NUFIP2: variants seen among roughly 807,000 people sequenced by gnomAD.
The protein encoded by NUFIP2 is nuclear FMR1 interacting protein 2.
In NUFIP2, 6 loss-of-function variants were observed where a neutral mutation model predicts 56.9. That is an observed-to-expected ratio of 0.11 (90% CI 0.06 to 0.21). The LOEUF (loss-of-function observed/expected upper bound fraction) is 0.21. Among genes scored for constraint, NUFIP2 ranks in the 10% least tolerant of loss-of-function variants. The pLI is 1.00. For missense variants in NUFIP2, 828 were observed against 826.8 expected (o/e 1.00, Z -0.02); for synonymous variants, 321 against 298.2 (o/e 1.08, Z -0.79).
chr17:29,264,685 A>C (rs2069024089), intron 3 of NUFIP2, 94 bp from the exon 4 acceptor site: 2 of 756,454 alleles, frequency 2.6e-6, no homozygotes, highest in African/African-American at 3.6e-5. Flanking sequence ...ATTTAAACTG[A>C]CCAATTTTTT....
rs1380624336 is a variant in NUFIP2, at chr17:29,261,398, A to T, written c.*3141T>A. ...ATCTCCATCTTTTCCTCACACACAC[A>T]TACATACATACATAAACACACACAC... On this transcript the variant is annotated 3_prime_UTR_variant, in exon 4 of 4. Transcript: ENST00000225388. 1 of 149,224 alleles carries T rather than the reference A, an allele frequency of 6.7e-6. No individual in the cohort carries two copies. The highest frequency in any genetic ancestry group is 6.7e-5 in the Admixed American group (1 of 14,992). 9.2% of individuals were successfully genotyped at this position (149,224 alleles called of 1,614,324 possible). A position where few individuals can be genotyped will look rare whatever the true frequency, so the allele number is the denominator to read the frequency against.
chr17:29,268,770 C>T (rs1723527658), intron 2 of NUFIP2, among the ~76,000 whole-genome samples: 1 of 151,940 alleles, frequency 6.6e-6, no homozygotes, highest in Non-Finnish European at 1.5e-5. Context: ...CTCAAGTGAT[C>T]CGCCCACCTC....
intron 2 of NUFIP2, among the ~76,000 whole-genome samples, chr17:29,277,197 G>C (rs1240194366): frequency 6.6e-6 from 1 of 151,968 alleles, no homozygotes; most frequent in Non-Finnish European, 1.5e-5. Context: ...GCTCATTTTT[G>C]TATTTTTAGT....
chr17:29,274,523 A>G (rs538336872), intron 2 of NUFIP2, among the ~76,000 whole-genome samples: 30 of 152,366 alleles, frequency 2.0e-4, no homozygotes, highest in African/African-American at 6.7e-4. Flanking sequence ...CATCCACTGT[A>G]TATGTACCAT....
chr17:29,292,597 C>T (rs1037647228), intron 1 of NUFIP2, among the ~76,000 whole-genome samples: 1 of 150,396 alleles, frequency 6.6e-6, no homozygotes, highest in Non-Finnish European at 1.5e-5. Flanking sequence ...CGAAATGAAT[C>T]CCCCCGCCGC....
chr17:29,260,920 C>T lies in NUFIP2; in HGVS notation c.*3619G>A, dbSNP rs1567673819. ...TTAAATTCCTAGTTATTGGCTATCC[C>T]CTCCTAGAAAGTAGAGGAGGAAGGG... On this transcript the variant is annotated 3_prime_UTR_variant, in exon 4 of 4. Transcript: ENST00000225388. The T allele has an allele frequency of 6.6e-6, 1 of 152,048 alleles. No homozygotes were observed. 9.4% of individuals were successfully genotyped at this position (152,048 alleles called of 1,614,324 possible).
chr17:29,284,719 A>AG lies in NUFIP2; in HGVS notation c.2002+1272_2002+1273insC, dbSNP rs971239202. Among the ~76,000 whole-genome samples the AG allele has an allele frequency of 1.6e-4, 24 of 150,748 alleles. No homozygotes were observed. In the South Asian group the frequency reaches 2.1e-3, roughly 13 times the overall value. The stretch of plus-strand genomic sequence containing the variant: ...AAGACTCCATCTCAAAAAAAAAAAA[A>AG]AAAAAAAAGAAAAAAAAGAAAAGAA... On this transcript the variant is annotated intron_variant, in intron 2 of 3. Coordinates refer to ENST00000225388, the MANE Select transcript of NUFIP2 (RefSeq NM_020772.3).
chr17:29,276,753 G>GT (rs1454733165), intron 2 of NUFIP2, among the ~76,000 whole-genome samples: 3 of 152,166 alleles, frequency 2.0e-5, no homozygotes, highest in Admixed American at 1.3e-4. Flanking sequence ...GCTTGGTGCA[G>GT]TAAGTAGATA....
Position 29,257,849 on chromosome 17 carries a change from C to T in NUFIP2, c.*6690G>A, listed in dbSNP as rs1446410668. On this transcript the variant is annotated 3_prime_UTR_variant, in exon 4 of 4. Transcript: ENST00000225388. ...AGTGAAGAATCCTTTTACTATTTCCCACTACAGGACAGCCACTAACAGACT... is the reference window on the plus strand; with the variant it reads ...AGTGAAGAATCCTTTTACTATTTCCTACTACAGGACAGCCACTAACAGACT... The T allele has an allele frequency of 6.6e-6, 1 of 152,060 alleles. No individual in the cohort carries two copies. Among genetic ancestry groups the T allele is most frequent in the Non-Finnish European group, 1.5e-5 (1 of 67,994 alleles). The allele number at this position is 152,060 out of a possible 1,614,324, so 9.4% of individuals were successfully genotyped here. A position where few individuals can be genotyped will look rare whatever the true frequency, so the allele number is the denominator to read the frequency against.
At chr17:29,292,671 C>T (rs967375077) in intron 1 of NUFIP2, among the ~76,000 whole-genome samples, 3 of 149,532 alleles carry the variant, frequency 2.0e-5, no homozygotes, top group Admixed American at 6.6e-5. Context: ...TCCCTCTCAG[C>T]TCCGCTTCGA....
intron 1 of NUFIP2, among the ~76,000 whole-genome samples, chr17:29,288,185 A>T (rs2069189798): frequency 6.6e-6 from 1 of 152,184 alleles, no homozygotes. Context: ...CTGGGACTAC[A>T]GGCGCCCACC....
rs774863743 is a variant in NUFIP2, at chr17:29,293,932, T to C, written c.128A>G (p.His43Arg). ...HHHYYFYNHSHNHHHHHHHQQ... is the reference protein window; with the variant it reads ...HHHYYFYNHSRNHHHHHHHQQ... Reference sequence around the variant, plus strand: ...GTGATGATGGTGGTGGTGGTGGTTGTGGCTGTGGTTGTAGAAATAATAATG... The same window carrying C: ...GTGATGATGGTGGTGGTGGTGGTTGCGGCTGTGGTTGTAGAAATAATAATG... The change falls in exon 1 of 4, where the codon CAC (histidine) becomes CGC (arginine). Residue 43 changes from histidine to arginine, a missense_variant. Coordinates refer to ENST00000225388, the MANE Select transcript of NUFIP2 (RefSeq NM_020772.3). 1.5e-5 allele frequency: 24 copies of C among 1,613,772 alleles called. No individual in the cohort carries two copies. Among genetic ancestry groups the C allele is most frequent in the Non-Finnish European group, 2.0e-5 (24 of 1,179,820 alleles).
At chr17:29,293,084 G>A (rs1474217678) in intron 1 of NUFIP2, among the ~76,000 whole-genome samples, 1 of 151,644 alleles carries the variant, frequency 6.6e-6, no homozygotes, top group Non-Finnish European at 1.5e-5. Flanking sequence ...GCCCCGCGAG[G>A]AGGAGAGAAC....
At chr17:29,285,470 A>C (rs369612325) in intron 2 of NUFIP2, among the ~76,000 whole-genome samples, 1 of 151,940 alleles carries the variant, frequency 6.6e-6, no homozygotes, top group Middle Eastern at 3.2e-3. Context: ...GCGTGCCTGT[A>C]ATCTCAGCTA....
intron 1 of NUFIP2, among the ~76,000 whole-genome samples, chr17:29,288,826 T>A (rs2069193516): frequency 6.6e-6 from 1 of 152,188 alleles, no homozygotes; most frequent in African/African-American, 2.4e-5. Context: ...ATAAAAAGAA[T>A]CCAATTTTTT....
intron 2 of NUFIP2, among the ~76,000 whole-genome samples, chr17:29,285,115 A>G (rs1016158195): frequency 6.6e-6 from 1 of 152,058 alleles, no homozygotes; most frequent in African/African-American, 2.4e-5. Context: ...AGCCTGGCCA[A>G]CACGGGGAAA....
chr17:29,285,761 T>C (rs2069169390), intron 2 of NUFIP2, among the ~76,000 whole-genome samples: 1 of 152,162 alleles, frequency 6.6e-6, no homozygotes, highest in Non-Finnish European at 1.5e-5. Context: ...AGGTCAATTA[T>C]GTTTGTATTT....
intron 2 of NUFIP2, among the ~76,000 whole-genome samples, chr17:29,282,144 T>C (rs2069144073): frequency 6.6e-6 from 1 of 152,068 alleles, no homozygotes; most frequent in African/African-American, 2.4e-5. Flanking sequence ...AAATCCATAG[T>C]ACGCTTAAGG....
In NUFIP2 at chr17:29,286,779, C is replaced by T. The variant is rs369253818; in HGVS notation, c.1215G>A (p.Ala405=). 2.5e-6 allele frequency: 4 copies of T among 1,613,956 alleles called. No homozygotes were observed. The highest frequency in any genetic ancestry group is 1.3e-5 in the African/African-American group (1 of 74,874). The change falls in exon 2 of 4, where the codon GCG becomes GCA. Residue 405 remains alanine, a synonymous_variant. Coordinates refer to ENST00000225388, the MANE Select transcript of NUFIP2 (RefSeq NM_020772.3). ...SSRLSQVPMS[A]LKSVTSANFS... ...AGTTGGCAGAAGTAACAGATTTCAG[C>T]GCTGACATAGGGACCTGGGATAAGC... is the stretch of plus-strand genomic sequence containing the variant.
Sources: gnomAD v4.1 joint callset for allele counts (sites outside exome capture counted in the v4.1 genomes callset) on GRCh38, gnomAD v4.1.1 for gene constraint, MANE v1.5 for transcripts, NCBI Gene and HGNC (gene_info 2026-07-23, HGNC 2026-07-21) for gene names.